Variants in FAXC observed in about 807,000 individuals in gnomAD.
FAXC encodes failed axon connections homolog.
FAXC carries 10 observed loss-of-function variants against 41.9 expected under a neutral mutation model. The observed-to-expected ratio is 0.24, with a 90% CI of 0.15 to 0.41. The LOEUF (loss-of-function observed/expected upper bound fraction) is 0.41, where lower values mean the gene tolerates loss of function less well. FAXC is among the 10% of genes least tolerant of loss of function. The pLI, the probability that FAXC is intolerant of heterozygous loss-of-function variation, is 1.00. For synonymous variants in FAXC, 183 were observed against 183.8 expected (o/e 1.00, Z 0.03); for missense variants, 399 against 510.9 (o/e 0.78, Z 2.11).
chr6:99,334,476 T>C (rs1211410837), intron 2 of FAXC: 1 of 291,298 alleles, frequency 3.4e-6, no homozygotes, highest in Non-Finnish European at 5.1e-6. Flanking sequence ...AGTGAGCAAC[T>C]TGCACAACCA....
At position 99,274,028 on chromosome 6, in the gene FAXC, C is replaced by A. The variant is rs1263153304; in HGVS notation, c.*7136G>T. 6.6e-6 allele frequency: 1 copy of A among 152,088 alleles called. No homozygotes were observed. The highest frequency in any genetic ancestry group is 2.4e-5 in the African/African-American group (1 of 41,400). The allele number at this position is 152,088 out of a possible 1,614,324, so 9.4% of individuals were successfully genotyped here. ...CTGTCTGCAAACATTTAAAAGACTT[C>A]TCTAAAACAAAATGTACATTACTTT... On this transcript the variant is annotated 3_prime_UTR_variant, in exon 6 of 6. Coordinates refer to ENST00000389677, the MANE Select transcript of FAXC (RefSeq NM_032511.4).
chr6:99,345,351 CTAT>C (rs1359374820), intron 1 of FAXC, among the ~76,000 whole-genome samples: 1 of 151,856 alleles, frequency 6.6e-6, no homozygotes, highest in Non-Finnish European at 1.5e-5. Flanking sequence ...GCTACTACTA[CTAT>C]TACCATTTTA....
chr6:99,273,568 A>T lies in FAXC; in HGVS notation c.*7596T>A, dbSNP rs919344082. On this transcript the variant is annotated 3_prime_UTR_variant, in exon 6 of 6. Transcript: ENST00000389677. Reference sequence around the variant, plus strand: ...TGGTCCCAAAAGCAGAATTAAAAACATCAGTCTTAAAGGTGACATCAAATT... The same window carrying T: ...TGGTCCCAAAAGCAGAATTAAAAACTTCAGTCTTAAAGGTGACATCAAATT... The T allele has an allele frequency of 6.7e-6, 1 of 150,202 alleles. No homozygotes were observed. Among genetic ancestry groups the T allele is most frequent in the Non-Finnish European group, 1.5e-5 (1 of 67,764 alleles). The allele number at this position is 150,202 out of a possible 1,614,324, so 9.3% of individuals were successfully genotyped here. A position where few individuals can be genotyped will look rare whatever the true frequency, so the allele number is the denominator to read the frequency against.
intron 3 of FAXC, among the ~76,000 whole-genome samples, chr6:99,329,453 CTGAG>C (rs1373709976): frequency 1.3e-5 from 2 of 152,146 alleles, no homozygotes; most frequent in African/African-American, 4.8e-5. Context: ...AATTTGATGA[CTGAG>C]TATCAACACC....
In FAXC at chr6:99,291,941, G is replaced by T; in HGVS notation, c.824-121C>A. 4.0e-6 allele frequency: 3 copies of T among 751,328 alleles called. No individual in the cohort carries two copies. The Admixed American group carries it at 6.0e-5, about 15-fold the overall frequency. 46.5% of individuals were successfully genotyped at this position (751,328 alleles called of 1,614,324 possible). ...TGATACCAAAAAGCTTTGCAGAATC[G>T]AAATACATGCACACCCTTTTGCTTA... On this transcript the variant is annotated intron_variant, in intron 4 of 5. Transcript: ENST00000389677.
rs955008125 is a variant in FAXC at position 99,343,131 on chromosome 6, A to G, written c.267-98T>C. 3 of 1,066,588 alleles carry G rather than the reference A, an allele frequency of 2.8e-6. No individual in the cohort carries two copies. In the African/African-American group the frequency reaches 4.8e-5, roughly 17 times the overall value. 66.1% of individuals were successfully genotyped at this position (1,066,588 alleles called of 1,614,324 possible). On this transcript the variant is annotated intron_variant, in intron 1 of 5. Transcript: ENST00000389677. ...GACCCTGCAGGGTTGTAGCTCCTCA[A>G]TGAACAAGCAGATCTGTTTGTCACA...
intron 3 of FAXC, among the ~76,000 whole-genome samples, chr6:99,328,250 C>A (rs1317665934): frequency 6.6e-6 from 1 of 152,168 alleles, no homozygotes; most frequent in African/African-American, 2.4e-5. Flanking sequence ...ACCTAACCCC[C>A]AGTGTGTTGG....
At position 99,349,492 on chromosome 6, in the gene FAXC, C is replaced by T. The variant is rs1773721868; in HGVS notation, c.-120G>A. 5.5e-6 allele frequency: 4 copies of T among 726,344 alleles called. No individual in the cohort carries two copies. Among genetic ancestry groups the T allele is most frequent in the Non-Finnish European group, 6.7e-6 (4 of 594,794 alleles). The allele number at this position is 726,344 out of a possible 1,614,324, so 45.0% of individuals were successfully genotyped here. ...AGGGCGCGGGCGGCGCGGGCGGCGG[C>T]GACTGAGGAGGCGGCGGCGACTGAG... On this transcript the variant is annotated 5_prime_UTR_variant, in exon 1 of 6. Transcript: ENST00000389677.
Position 99,281,024 on chromosome 6 carries a change from GGCT to G in FAXC, c.*137_*139del. On this transcript the variant is annotated 3_prime_UTR_variant, in exon 6 of 6. Transcript: ENST00000389677. ...TTTTGTTTGTACAAAAAAGAAATAAGGCTGCTATAGTCCAGTTAGCATGTGAAA... is the reference window on the plus strand; with the variant it reads ...TTTTGTTTGTACAAAAAAGAAATAAGGCTATAGTCCAGTTAGCATGTGAAA... 1.6e-6 allele frequency: 1 copy of G among 641,072 alleles called. No homozygotes were observed. The highest frequency in any genetic ancestry group is 2.8e-6 in the Non-Finnish European group (1 of 353,762). 39.7% of individuals were successfully genotyped at this position (641,072 alleles called of 1,614,324 possible).
At chr6:99,327,622 T>C (rs1772862506) in intron 3 of FAXC, among the ~76,000 whole-genome samples, 1 of 152,132 alleles carries the variant, frequency 6.6e-6, no homozygotes, top group African/African-American at 2.4e-5. Flanking sequence ...CGTGGAGCCA[T>C]CTAACTCACA....
chr6:99,316,955 T>C (rs13198017), intron 4 of FAXC, among the ~76,000 whole-genome samples: 54,815 of 151,966 alleles, frequency 0.36, 10,638 homozygotes, highest in Middle Eastern at 0.46. Flanking sequence ...GACGCACTAC[T>C]TTGCAACTCC....
intron 4 of FAXC, among the ~76,000 whole-genome samples, chr6:99,318,306 C>CACACACACAAAA (rs147852055): frequency 5.9e-4 from 80 of 135,314 alleles, no homozygotes; most frequent in Middle Eastern, 3.9e-3. Context: ...CACACACACA[C>CACACACACAAAA]AAAATAGAAG....
chr6:99,337,938 A>C (rs1446175829), intron 2 of FAXC, among the ~76,000 whole-genome samples: 1 of 152,190 alleles, frequency 6.6e-6, no homozygotes, highest in East Asian at 1.9e-4. Context: ...AAAATGGCAC[A>C]GGCAAAAGAA....
intron 4 of FAXC, among the ~76,000 whole-genome samples, chr6:99,316,488 G>A (rs548484878): frequency 3.3e-5 from 5 of 152,284 alleles, no homozygotes; most frequent in South Asian, 2.1e-4. Context: ...TAAGAGGGCC[G>A]CAATGTGGCA....
chr6:99,295,294 T>C (rs771061614), intron 4 of FAXC, among the ~76,000 whole-genome samples: 3 of 152,234 alleles, frequency 2.0e-5, no homozygotes, highest in Non-Finnish European at 4.4e-5. Flanking sequence ...TCATAATACC[T>C]GATGGCAGAA....
intron 4 of FAXC, among the ~76,000 whole-genome samples, chr6:99,300,954 G>A (rs1334229073): frequency 6.6e-6 from 1 of 152,262 alleles, no homozygotes; most frequent in Non-Finnish European, 1.5e-5. Flanking sequence ...CTCGGGGCCA[G>A]AAAAGCTCAA....
chr6:99,334,194 G>C (rs753687044), intron 2 of FAXC, among the ~76,000 whole-genome samples: 7 of 152,192 alleles, frequency 4.6e-5, no homozygotes. Context: ...GTCATTGGTA[G>C]AGAGAATAAC....
chr6:99,282,729 T>A (rs1770884784), intron 5 of FAXC, among the ~76,000 whole-genome samples: 1 of 150,522 alleles, frequency 6.6e-6, no homozygotes, highest in South Asian at 2.2e-4. Context: ...ACTCTAAGAA[T>A]GTCTTTGGAT....
intron 5 of FAXC, among the ~76,000 whole-genome samples, chr6:99,289,069 T>C (rs1042198128): frequency 1.3e-5 from 2 of 152,162 alleles, no homozygotes; most frequent in Non-Finnish European, 2.9e-5. Context: ...ATCCGACATT[T>C]ATTAAGAGCA....
Sources: allele counts gnomAD v4.1 joint callset (sites outside exome capture counted in the v4.1 genomes callset), GRCh38; gene constraint gnomAD v4.1.1; transcripts MANE v1.5; gene names NCBI Gene and HGNC (gene_info 2026-07-23, HGNC 2026-07-21).